Variants in OR2L8 observed in about 807,000 individuals in gnomAD.
The protein encoded by OR2L8 is olfactory receptor family 2 subfamily L member 8, also known as olfactory receptor 2L8.
For synonymous variants in OR2L8, 123 were observed against 138.6 expected (o/e 0.89, Z 0.79); for missense variants, 324 against 376.0 (o/e 0.86, Z 1.14).
chr1:247,949,084 T>C lies in OR2L8; in HGVS notation c.227T>C (p.Ile76Thr). The C allele has an allele frequency of 1.2e-6, 2 of 1,613,948 alleles. No individual in the cohort carries two copies. The highest frequency in any genetic ancestry group is 2.2e-5 in the South Asian group (2 of 91,080). ...SLIDLNYIST[I>T]VPKMASDFLH... ...ATTGACCTAAATTACATCTCCACCA[T>C]TGTTCCTAAGATGGCATCTGATTTT... The change falls in exon 1 of 1, where the codon ATT (isoleucine) becomes ACT (threonine). Residue 76 changes from isoleucine (I) to threonine (T), a missense_variant. Ile to Thr is a moderately conservative substitution (Grantham distance 89). Transcript: ENST00000623922.
At position 247,949,240 on chromosome 1, in the gene OR2L8, C is replaced by T. The variant is rs139754372; in HGVS notation, c.383C>T (p.Pro128Leu). The T allele has an allele frequency of 6.2e-7, 1 of 1,614,194 alleles. No homozygotes were observed. Among genetic ancestry groups the T allele is most frequent in the South Asian group, 1.1e-5 (1 of 91,074 alleles). ...AYDRYIAICF[P>L]LHYLIRMSKR... ...GATCGTTACATTGCTATTTGCTTTCCTCTCCACTATCTCATCCGCATGAGC... is the reference window on the plus strand; with the variant it reads ...GATCGTTACATTGCTATTTGCTTTCTTCTCCACTATCTCATCCGCATGAGC... Residue 128 changes from proline to leucine, a missense_variant, in exon 1 of 1, where the codon CCT (proline) becomes CTT (leucine). Pro to Leu is a moderately conservative substitution (Grantham distance 98, BLOSUM62 -3). Transcript: ENST00000623922.
rs1317102365 is a variant in OR2L8, at chr1:247,948,936, T to C, written c.79T>C (p.Phe27Leu). The C allele has an allele frequency of 1.9e-6, 3 of 1,613,750 alleles. No individual in the cohort carries two copies. Reference sequence around the variant, plus strand: ...ACCATCAAGAATTGACCTTTTCTTCTTCATTCTCATTGTTTTCATTTTCCT... The same window carrying C: ...ACCATCAAGAATTGACCTTTTCTTCCTCATTCTCATTGTTTTCATTTTCCT... ...FPPSRIDLFFFILIVFIFLMA... is the reference protein window; with the variant it reads ...FPPSRIDLFFLILIVFIFLMA... The change falls in exon 1 of 1, where the codon TTC (phenylalanine) becomes CTC (leucine). Residue 27 changes from phenylalanine (F) to leucine (L), a missense_variant. Physicochemically the swap from Phe to Leu is conservative, Grantham distance 22. Coordinates refer to ENST00000623922, the MANE Select transcript of OR2L8 (RefSeq NM_001001963.1).
rs1660536016 is a variant in OR2L8, at chr1:247,948,989, G to T, written c.132G>T (p.Met44Ile). 5.0e-6 allele frequency: 8 copies of T among 1,613,836 alleles called. No homozygotes were observed. The highest frequency in any genetic ancestry group is 6.8e-6 in the Non-Finnish European group (8 of 1,179,834). Residue 44 changes from methionine to isoleucine, a missense_variant, in exon 1 of 1, where the codon ATG becomes ATT. Physicochemically the swap from Met to Ile is conservative, Grantham distance 10 (BLOSUM62 1). Transcript: ENST00000623922. ...TGGCTCTAATTGGAAACCTGTCCAT[G>T]ATTCTTCTCATCTTCTTGGACACCC... ...FLMALIGNLS[M>I]ILLIFLDTHL...
chr1:247,949,740 G>C lies in OR2L8; in HGVS notation c.883G>C (p.Glu295Gln). The part of the protein sequence containing the change: ...NPIIYSLRNK[E>Q]VMGALTRVSQ... ...CATCATCTATAGCCTGAGGAACAAGGAGGTGATGGGGGCCCTGACACGAGT... is the reference window on the plus strand; with the variant it reads ...CATCATCTATAGCCTGAGGAACAAGCAGGTGATGGGGGCCCTGACACGAGT... The change falls in exon 1 of 1, where the codon GAG (glutamate) becomes CAG (glutamine). Residue 295 changes from glutamate to glutamine, a missense_variant. Transcript: ENST00000623922. The C allele has an allele frequency of 6.2e-7, 1 of 1,613,544 alleles. No individual in the cohort carries two copies.
chr1:247,949,055 C>T lies in OR2L8; in HGVS notation c.198C>T (p.Ser66=), dbSNP rs775619959. 1.2e-5 allele frequency: 20 copies of T among 1,613,786 alleles called. No individual in the cohort carries two copies. Among genetic ancestry groups the T allele is most frequent in the Non-Finnish European group, 1.5e-5 (18 of 1,179,850 alleles). Residue 66 remains serine (S), a synonymous_variant, in exon 1 of 1, where the codon TCC becomes TCT. Transcript: ENST00000623922. The part of the protein sequence containing the change: ...TPMYFLLSQL[S]LIDLNYISTI... ...TGTATTTCCTACTGAGTCAGCTCTC[C>T]CTCATTGACCTAAATTACATCTCCA...
rs770690796 is a variant in OR2L8 at position 247,949,188 on chromosome 1, G to C, written c.331G>C (p.Ala111Pro). ...FFFLALGGAE[A>P]LLLASMAYDR... ...CTTCTTGGCATTAGGAGGTGCAGAA[G>C]CACTACTTTTGGCATCTATGGCCTA... The change falls in exon 1 of 1, where the codon GCA (alanine) becomes CCA (proline). Residue 111 changes from alanine to proline, a missense_variant. By Grantham distance (27) the Ala-to-Pro change is conservative. Transcript: ENST00000623922. 1.9e-6 allele frequency: 3 copies of C among 1,614,188 alleles called. No homozygotes were observed. Among genetic ancestry groups the C allele is most frequent in the Non-Finnish European group, 2.5e-6 (3 of 1,180,024 alleles).
At position 247,949,134 on chromosome 1, in the gene OR2L8, T is replaced by C; in HGVS notation, c.277T>C (p.Phe93Leu). The C allele has an allele frequency of 6.2e-7, 1 of 1,614,052 alleles. No homozygotes were observed. Residue 93 changes from phenylalanine to leucine, a missense_variant, in exon 1 of 1, where the codon TTC (phenylalanine) becomes CTC (leucine). Phe to Leu is a conservative substitution (Grantham distance 22, BLOSUM62 0). Transcript: ENST00000623922. ...TCTGCATGGAAACAAGTCTATCTCCTTCACTGGGTGTGGGATTCAGAGTTT... is the reference window on the plus strand; with the variant it reads ...TCTGCATGGAAACAAGTCTATCTCCCTCACTGGGTGTGGGATTCAGAGTTT... The part of the protein sequence containing the change: ...DFLHGNKSIS[F>L]TGCGIQSFFF...
chr1:247,949,292 A>C lies in OR2L8; in HGVS notation c.435A>C (p.Thr145=). The C allele has an allele frequency of 6.2e-7, 1 of 1,614,154 alleles. No homozygotes were observed. Among genetic ancestry groups the C allele is most frequent in the Non-Finnish European group, 8.5e-7 (1 of 1,180,034 alleles). Reference sequence around the variant, plus strand: ...AAAGAGTGTGTGTGCTGATGATAACAGGGTCTTGGATCATAGGCTCGATCA... The same window carrying C: ...AAAGAGTGTGTGTGCTGATGATAACCGGGTCTTGGATCATAGGCTCGATCA... ...MSKRVCVLMI[T]GSWIIGSINA... Residue 145 remains threonine, a synonymous_variant, in exon 1 of 1, where the codon ACA becomes ACC. Coordinates refer to ENST00000623922, the MANE Select transcript of OR2L8 (RefSeq NM_001001963.1).
rs763873339 is a variant in OR2L8, at chr1:247,949,218, C to T, written c.361C>T (p.Arg121Cys). The T allele has an allele frequency of 1.1e-5, 18 of 1,614,080 alleles. 1 individual carries two copies. The highest frequency in any genetic ancestry group is 3.3e-5 in the South Asian group (3 of 91,084). Reference protein sequence around the residue: ...ALLLASMAYDRYIAICFPLHY... With the variant: ...ALLLASMAYDCYIAICFPLHY... ...ACTTTTGGCATCTATGGCCTATGAT[C>T]GTTACATTGCTATTTGCTTTCCTCT... The change falls in exon 1 of 1, where the codon CGT becomes TGT. Residue 121 changes from arginine (R) to cysteine (C), a missense_variant. By Grantham distance (180) the Arg-to-Cys change is radical. Transcript: ENST00000623922.
At position 247,949,202 on chromosome 1, in the gene OR2L8, A is replaced by T. The variant is rs1462906884; in HGVS notation, c.345A>T (p.Ala115=). The T allele has an allele frequency of 1.2e-6, 2 of 1,614,222 alleles. No individual in the cohort carries two copies. The highest frequency in any genetic ancestry group is 1.7e-6 in the Non-Finnish European group (2 of 1,180,042). Residue 115 remains alanine (A), a synonymous_variant, in exon 1 of 1, where the codon GCA becomes GCT. Coordinates refer to ENST00000623922, the MANE Select transcript of OR2L8 (RefSeq NM_001001963.1). ...ALGGAEALLL[A]SMAYDRYIAI... is the part of the protein sequence containing the mutation. ...GAGGTGCAGAAGCACTACTTTTGGC[A>T]TCTATGGCCTATGATCGTTACATTG...
chr1:247,949,551 G>T lies in OR2L8; in HGVS notation c.694G>T (p.Gly232Trp). ...FAVYHMKSAE[G>W]RKKAYLTCST... ...TGTCTACCACATGAAATCTGCAGAAGGGAGGAAGAAAGCCTATTTGACCTG... is the reference window on the plus strand; with the variant it reads ...TGTCTACCACATGAAATCTGCAGAATGGAGGAAGAAAGCCTATTTGACCTG... The change falls in exon 1 of 1, where the codon GGG (glycine) becomes TGG (tryptophan). Residue 232 changes from glycine (G) to tryptophan (W), a missense_variant. Physicochemically the swap from Gly to Trp is radical, Grantham distance 184. Coordinates refer to ENST00000623922, the MANE Select transcript of OR2L8 (RefSeq NM_001001963.1). The T allele has an allele frequency of 6.2e-7, 1 of 1,614,100 alleles. No individual in the cohort carries two copies. The highest frequency in any genetic ancestry group is 8.5e-7 in the Non-Finnish European group (1 of 1,179,988).
chr1:247,949,081 C>G lies in OR2L8; in HGVS notation c.224C>G (p.Thr75Ser), dbSNP rs773075664. ...CTCATTGACCTAAATTACATCTCCACCATTGTTCCTAAGATGGCATCTGAT... is the reference window on the plus strand; with the variant it reads ...CTCATTGACCTAAATTACATCTCCAGCATTGTTCCTAAGATGGCATCTGAT... Reference protein sequence around the residue: ...LSLIDLNYISTIVPKMASDFL... With the variant: ...LSLIDLNYISSIVPKMASDFL... Residue 75 changes from threonine (T) to serine (S), a missense_variant, in exon 1 of 1, where the codon ACC becomes AGC. By Grantham distance (58) the Thr-to-Ser change is moderately conservative. Transcript: ENST00000623922. 47 of 1,613,824 alleles carry G rather than the reference C, an allele frequency of 2.9e-5. No individual in the cohort carries two copies. Among genetic ancestry groups the G allele is most frequent in the African/African-American group, 5.3e-5 (4 of 74,920 alleles).
rs772400975 is a variant in OR2L8 at position 247,949,500 on chromosome 1, T to C, written c.643T>C (p.Cys215Arg). ...FLVFPFIGIS[C>R]SYGQVLFAVY... ...CGTGTTTCCCTTCATTGGTATTTCA[T>C]GTTCCTATGGCCAGGTTCTCTTTGC... The change falls in exon 1 of 1, where the codon TGT (cysteine) becomes CGT (arginine). Residue 215 changes from cysteine to arginine, a missense_variant. Physicochemically the swap from Cys to Arg is radical, Grantham distance 180. Transcript: ENST00000623922. The C allele has an allele frequency of 1.9e-6, 3 of 1,613,778 alleles. No individual in the cohort carries two copies. The highest frequency in any genetic ancestry group is 2.2e-5 in the East Asian group (1 of 44,884).
chr1:247,948,953 C>T lies in OR2L8; in HGVS notation c.96C>T (p.Phe32=). 2.5e-6 allele frequency: 4 copies of T among 1,613,904 alleles called. No homozygotes were observed. Among genetic ancestry groups the T allele is most frequent in the Non-Finnish European group, 3.4e-6 (4 of 1,179,810 alleles). The change falls in exon 1 of 1, where the codon TTC becomes TTT. Residue 32 remains phenylalanine (F), a synonymous_variant. Transcript: ENST00000623922. ...IDLFFFILIV[F]IFLMALIGNL... is the part of the protein sequence containing the mutation. ...TTTTCTTCTTCATTCTCATTGTTTT[C>T]ATTTTCCTGATGGCTCTAATTGGAA... is the stretch of plus-strand genomic sequence containing the variant.
At position 247,949,614 on chromosome 1, in the gene OR2L8, C is replaced by G. The variant is rs1196692249; in HGVS notation, c.757C>G (p.Pro253Ala). 2.4e-5 allele frequency: 38 copies of G among 1,613,882 alleles called. No individual in the cohort carries two copies. The highest frequency in any genetic ancestry group is 3.2e-5 in the Non-Finnish European group (38 of 1,179,936). Residue 253 changes from proline (P) to alanine (A), a missense_variant, in exon 1 of 1, where the codon CCT becomes GCT. Physicochemically the swap from Pro to Ala is conservative, Grantham distance 27. Transcript: ENST00000623922. ...CACTGTAGTAACTTTCTACTATGCA[C>G]CTTTTGTCTACACTTATCTACGTCC... is the stretch of plus-strand genomic sequence containing the variant. ...HLTVVTFYYA[P>A]FVYTYLRPRS...
Position 247,949,610 on chromosome 1 carries a change from T to C in OR2L8, c.753T>C (p.Tyr251=), listed in dbSNP as rs1315286811. Reference sequence around the variant, plus strand: ...ACCTCACTGTAGTAACTTTCTACTATGCACCTTTTGTCTACACTTATCTAC... The same window carrying C: ...ACCTCACTGTAGTAACTTTCTACTACGCACCTTTTGTCTACACTTATCTAC... The part of the protein sequence containing the change: ...STHLTVVTFY[Y]APFVYTYLRP... The change falls in exon 1 of 1, where the codon TAT becomes TAC. Residue 251 remains tyrosine (Y), a synonymous_variant. Coordinates refer to ENST00000623922, the MANE Select transcript of OR2L8 (RefSeq NM_001001963.1). 1.2e-5 allele frequency: 19 copies of C among 1,613,932 alleles called. No homozygotes were observed. Among genetic ancestry groups the C allele is most frequent in the Non-Finnish European group, 1.6e-5 (19 of 1,179,962 alleles).
chr1:247,949,169 G>C lies in OR2L8; in HGVS notation c.312G>C (p.Leu104Phe). The C allele has an allele frequency of 1.2e-6, 2 of 1,614,110 alleles. No individual in the cohort carries two copies. Among genetic ancestry groups the C allele is most frequent in the Non-Finnish European group, 1.7e-6 (2 of 1,180,008 alleles). ...TGCGIQSFFF[L>F]ALGGAEALLL... is the part of the protein sequence containing the mutation. ...GTGGGATTCAGAGTTTCTTCTTCTT[G>C]GCATTAGGAGGTGCAGAAGCACTAC... is the stretch of plus-strand genomic sequence containing the variant. Residue 104 changes from leucine (L) to phenylalanine (F), a missense_variant, in exon 1 of 1, where the codon TTG (leucine) becomes TTC (phenylalanine). Coordinates refer to ENST00000623922, the MANE Select transcript of OR2L8 (RefSeq NM_001001963.1).
At position 247,949,302 on chromosome 1, in the gene OR2L8, A is replaced by G. The variant is rs1660546199; in HGVS notation, c.445A>G (p.Ile149Val). Residue 149 changes from isoleucine (I) to valine (V), a missense_variant, in exon 1 of 1, where the codon ATC (isoleucine) becomes GTC (valine). Physicochemically the swap from Ile to Val is conservative, Grantham distance 29 (BLOSUM62 3). Coordinates refer to ENST00000623922, the MANE Select transcript of OR2L8 (RefSeq NM_001001963.1). ...TGTGCTGATGATAACAGGGTCTTGG[A>G]TCATAGGCTCGATCAATGCTTGTGC... is the stretch of plus-strand genomic sequence containing the variant. ...VCVLMITGSW[I>V]IGSINACAHT... The G allele has an allele frequency of 1.2e-6, 2 of 1,614,180 alleles. No individual in the cohort carries two copies. Among genetic ancestry groups the G allele is most frequent in the East Asian group, 4.5e-5 (2 of 44,870 alleles).
rs566489004 is a variant in OR2L8 at position 247,949,002 on chromosome 1, T to A, written c.145T>A (p.Phe49Ile). 1.9e-6 allele frequency: 3 copies of A among 1,613,960 alleles called. No homozygotes were observed. In the African/African-American group the frequency reaches 4.0e-5, roughly 22 times the overall value. The change falls in exon 1 of 1, where the codon TTC (phenylalanine) becomes ATC (isoleucine). Residue 49 changes from phenylalanine to isoleucine, a missense_variant. Phe to Ile is a conservative substitution (Grantham distance 21). Coordinates refer to ENST00000623922, the MANE Select transcript of OR2L8 (RefSeq NM_001001963.1). ...AAACCTGTCCATGATTCTTCTCATCTTCTTGGACACCCATCTCCACACACC... is the reference window on the plus strand; with the variant it reads ...AAACCTGTCCATGATTCTTCTCATCATCTTGGACACCCATCTCCACACACC... ...IGNLSMILLI[F>I]LDTHLHTPMY...
Sources: gnomAD v4.1 joint callset for allele counts on GRCh38, gnomAD v4.1.1 for gene constraint, MANE v1.5 for transcripts, NCBI Gene and HGNC (gene_info 2026-07-23, HGNC 2026-07-21) for gene names.